The following PLEKHM2 variants were observed in gnomAD, a reference collection of about 807,000 sequenced individuals.
The protein encoded by PLEKHM2 is pleckstrin homology domain-containing family M member 2.
In PLEKHM2, 77 loss-of-function variants were observed where a neutral mutation model predicts 116.3. The ratio of observed to expected loss-of-function variants is 0.66; its 90% CI spans 0.55 to 0.80. The LOEUF is 0.80. Ranked by LOEUF, PLEKHM2 falls within the 30% of genes least tolerant of loss-of-function variation. The probability of loss-of-function intolerance (pLI) is 0.00; values close to 1 mark genes in which losing one functional copy is unlikely to be tolerated. For missense variants in PLEKHM2, 1,183 were observed against 1,354.9 expected (o/e 0.87, Z 1.99); for synonymous variants, 562 against 571.0 (o/e 0.98, Z 0.22).
upstream of PLEKHM2, among the ~76,000 whole-genome samples, chr1:15,683,881 T>G: frequency 7.6e-6 from 1 of 130,832 alleles, no homozygotes; most frequent in African/African-American, 3.0e-5. Flanking sequence ...GGTCTGAGGG[T>G]GTCTCTGGGG....
chr1:15,705,075 A>G (rs532613669), intron 1 of PLEKHM2, among the ~76,000 whole-genome samples: 61 of 150,364 alleles, frequency 4.1e-4, no homozygotes, highest in African/African-American at 1.4e-3. Flanking sequence ...CTCCTGCTGC[A>G]CACTCACGGC....
At chr1:15,715,554 T>A (rs1641428074) in intron 1 of PLEKHM2, among the ~76,000 whole-genome samples, 1 of 152,010 alleles carries the variant, frequency 6.6e-6, no homozygotes, top group Admixed American at 6.6e-5. Context: ...GGCAGGAGAA[T>A]CACTTGAACC....
At chr1:15,726,931 G>A in intron 8 of PLEKHM2, 83 bp from the exon 9 acceptor site, 1 of 887,914 alleles carries the variant, frequency 1.1e-6, no homozygotes, top group Non-Finnish European at 1.7e-6. Flanking sequence ...TACATGGCCA[G>A]CATTGCCACC....
At position 15,732,667 on chromosome 1, in the gene PLEKHM2, G is replaced by A; in HGVS notation, c.2861G>A (p.Cys954Tyr). 6.2e-7 allele frequency: 1 copy of A among 1,610,616 alleles called. No individual in the cohort carries two copies. Among genetic ancestry groups the A allele is most frequent in the Non-Finnish European group, 8.5e-7 (1 of 1,178,572 alleles). The change falls in exon 19 of 20, where the codon TGC becomes TAC. Residue 954 changes from cysteine to tyrosine, a missense_variant. Cys to Tyr is a radical substitution (Grantham distance 194). Around this residue, in one of 3 missense-constraint regions of PLEKHM2, gnomAD observed 594 missense variants for 720.1 expected, o/e 0.82. Coordinates refer to ENST00000375799, the MANE Select transcript of PLEKHM2 (RefSeq NM_015164.4). ...LLPPWVIYLS[C>Y]TSELDRLLSA... ...CCGCCCTGGGTCATCTACCTGAGCTGCACTTCTGAACTGGACCGATTGCTG... is the reference window on the plus strand; with the variant it reads ...CCGCCCTGGGTCATCTACCTGAGCTACACTTCTGAACTGGACCGATTGCTG...
intron 8 of PLEKHM2, 34 bp downstream of exon 8, chr1:15,725,579 TCCTGGGGTCCAA>T: frequency 6.8e-7 from 1 of 1,460,570 alleles, no homozygotes; most frequent in Non-Finnish European, 9.4e-7. Context: ...GGAGCTGAGG[TCCTGGGGTCCAA>T]CCTGTCCACT....
At chr1:15,731,855 C>A (rs1047973176) in intron 16 of PLEKHM2, 34 bp from the exon 17 acceptor site, 72 of 1,589,074 alleles carry the variant, frequency 4.5e-5, no homozygotes, top group Non-Finnish European at 6.1e-5. Flanking sequence ...CCCTTGCCTC[C>A]TCGCTCCCGT....
At position 15,684,566 on chromosome 1, in the gene PLEKHM2, C is replaced by A. The variant is rs866837651; in HGVS notation, c.8C>A (p.Pro3Gln). Residue 3 changes from proline (P) to glutamine (Q), a missense_variant, in exon 1 of 20, where the codon CCG (proline) becomes CAG (glutamine). Physicochemically the swap from Pro to Gln is moderately conservative, Grantham distance 76 (BLOSUM62 -1). Coordinates refer to ENST00000375799, the MANE Select transcript of PLEKHM2 (RefSeq NM_015164.4). ...GGCGACGGTGGCAGCGCCATGGAGC[C>A]GGGGGAGGTGAAGGACCGGATCCTG... is the stretch of plus-strand genomic sequence containing the variant. The part of the protein sequence containing the change: ME[P>Q]GEVKDRILEN... 7.8e-7 allele frequency: 1 copy of A among 1,289,728 alleles called. No individual in the cohort carries two copies. Among genetic ancestry groups the A allele is most frequent in the South Asian group, 2.4e-5 (1 of 42,012 alleles). The allele number at this position is 1,289,728 out of a possible 1,614,324, so 79.9% of individuals were successfully genotyped here.
intron 1 of PLEKHM2, among the ~76,000 whole-genome samples, chr1:15,703,293 C>A (rs143020134): frequency 2.0e-3 from 310 of 152,288 alleles, no homozygotes; most frequent in Non-Finnish European, 3.2e-3. Flanking sequence ...GGTGGAGCCC[C>A]ACAGTGGCCA....
intron 5 of PLEKHM2, 144 bp downstream of exon 5, chr1:15,718,769 G>A: frequency 3.2e-6 from 2 of 623,300 alleles, no homozygotes; most frequent in South Asian, 3.8e-5. Flanking sequence ...GTTTTTTTGG[G>A]CGAGGGAAAG....
intron 7 of PLEKHM2, among the ~76,000 whole-genome samples, chr1:15,723,834 G>A (rs2068026109): frequency 6.6e-6 from 1 of 152,144 alleles, no homozygotes; most frequent in Admixed American, 6.5e-5. Context: ...TTGACAGCTG[G>A]TTGGGCCCCC....
chr1:15,710,518 AG>A (rs1221525378), intron 1 of PLEKHM2, among the ~76,000 whole-genome samples: 1 of 151,532 alleles, frequency 6.6e-6, no homozygotes, highest in African/African-American at 2.4e-5. Context: ...GTACAGACAG[AG>A]TTTTACCATG....
chr1:15,708,786 C>T (rs1011225206), intron 1 of PLEKHM2, among the ~76,000 whole-genome samples: 9 of 152,116 alleles, frequency 5.9e-5, no homozygotes. Flanking sequence ...GATGAAAAGA[C>T]CTGGGTTTAA....
intron 6 of PLEKHM2, among the ~76,000 whole-genome samples, chr1:15,720,151 A>ATAT (rs1557655121): frequency 5.8e-5 from 8 of 137,294 alleles, no homozygotes; most frequent in Non-Finnish European, 1.1e-4. Context: ...TATATATATA[A>ATAT]AATATATATT....
At position 15,733,833 on chromosome 1, in the gene PLEKHM2, A is replaced by G. The variant is rs746997681; in HGVS notation, c.2959A>G (p.Asn987Asp). The change falls in exon 20 of 20, where the codon AAC becomes GAC. Residue 987 changes from asparagine to aspartate, a missense_variant. This residue lies in a region of PLEKHM2 where 594 missense variants were observed against 720.1 expected (regional missense o/e 0.82). Transcript: ENST00000375799. ...CCACACGGCGATCCAGGAAGCCTCC[A>G]ACAAGAAGAAATTCGAGGATGCCTT... ...LPHTAIQEAS[N>D]KKKFEDALSL... is the part of the protein sequence containing the mutation. 3 of 1,613,148 alleles carry G rather than the reference A, an allele frequency of 1.9e-6. No individual in the cohort carries two copies. The highest frequency in any genetic ancestry group is 1.7e-5 in the Admixed American group (1 of 60,018).
At position 15,721,299 on chromosome 1, in the gene PLEKHM2, A is replaced by C; in HGVS notation, c.653-30A>C. 1 of 1,464,704 alleles carries C rather than the reference A, an allele frequency of 6.8e-7. No homozygotes were observed. The highest frequency in any genetic ancestry group is 9.3e-7 in the Non-Finnish European group (1 of 1,071,198). 90.7% of individuals were successfully genotyped at this position (1,464,704 alleles called of 1,614,324 possible). ...TCATCCTTCCACTGCCTGTGTTTCT[A>C]ATCTTCAGTTTTGTCCCTCGTTTTT... On this transcript the variant is annotated intron_variant, in intron 6 of 19. Transcript: ENST00000375799. The surrounding 1 kb of genome is among the most constrained non-coding windows in gnomAD (Gnocchi z 5.1).
chr1:15,730,270 G>A (rs1337689061), intron 14 of PLEKHM2, among the ~76,000 whole-genome samples: 6 of 152,288 alleles, frequency 3.9e-5, no homozygotes, highest in South Asian at 2.1e-4. Flanking sequence ...GCAAAACCCC[G>A]TCTCTACTAA....
chr1:15,724,886 C>T (rs1278679139), intron 7 of PLEKHM2, among the ~76,000 whole-genome samples: 1 of 152,122 alleles, frequency 6.6e-6, no homozygotes, highest in Admixed American at 6.5e-5. Flanking sequence ...AACGGGGCTG[C>T]TGGGTACCCC....
intron 1 of PLEKHM2, among the ~76,000 whole-genome samples, chr1:15,690,644 G>A (rs1448870549): frequency 6.6e-6 from 1 of 152,238 alleles, no homozygotes; most frequent in Non-Finnish European, 1.5e-5. Context: ...AGAAGTTGGT[G>A]CACCAGTGCT....
intron 7 of PLEKHM2, chr1:15,723,474 T>G (rs2068021109): frequency 6.8e-6 from 1 of 147,938 alleles, no homozygotes; most frequent in Non-Finnish European, 1.5e-5. Context: ...AGGGCCAGGC[T>G]CACACCTGTA....
Sources: gnomAD v4.1 joint callset for allele counts (sites outside exome capture counted in the v4.1 genomes callset) on GRCh38, gnomAD v4.1.1 for gene constraint, gnomAD v4.1.1 regional missense constraint, Gnocchi (gnomAD v3.1) non-coding constraint, MANE v1.5 for transcripts, NCBI Gene and HGNC (gene_info 2026-07-23, HGNC 2026-07-21) for gene names.